Variants in PARD3 observed in about 807,000 individuals in gnomAD.
The protein encoded by PARD3 is par-3 family cell polarity regulator.
Under a neutral mutation model 155.4 loss-of-function variants are expected in PARD3, and 75 were observed. That is an observed-to-expected ratio of 0.48 (90% CI 0.40 to 0.58). The LOEUF is 0.58. PARD3 is among the 20% of genes least tolerant of loss of function. The pLI, the probability that PARD3 is intolerant of heterozygous loss-of-function variation, is 0.00. For synonymous variants in PARD3, 576 were observed against 610.5 expected, an observed-to-expected ratio of 0.94 and a Z score of 0.83; for missense variants, 1,642 against 1,721.7, an observed-to-expected ratio of 0.95 and a Z score of 0.82.
chr10:34,774,836 A>G (rs1328424820), intron 1 of PARD3, among the ~76,000 whole-genome samples: 2 of 152,246 alleles, frequency 1.3e-5, no homozygotes, highest in African/African-American at 4.8e-5. Context: ...GAAATCATCA[A>G]TGAAATCTAG....
intron 20 of PARD3, among the ~76,000 whole-genome samples, chr10:34,314,284 T>C (rs1957870343): frequency 6.6e-6 from 1 of 152,158 alleles, no homozygotes; most frequent in African/African-American, 2.4e-5. Context: ...AGGAAGGTAG[T>C]TTAAAAGAAT....
At chr10:34,373,806 A>G (rs1023482437) in intron 11 of PARD3, among the ~76,000 whole-genome samples, 1 of 151,998 alleles carries the variant, frequency 6.6e-6, no homozygotes, top group South Asian at 2.1e-4. Context: ...ACCAGGGGAT[A>G]AGATATTATG....
intron 2 of PARD3, among the ~76,000 whole-genome samples, chr10:34,548,713 T>C (rs966423886): frequency 3.3e-5 from 5 of 152,056 alleles, no homozygotes; most frequent in African/African-American, 1.2e-4. Flanking sequence ...TTTTCTCTGA[T>C]TCCAAGGAAA....
At chr10:34,392,159 T>C (rs1286249957) in intron 7 of PARD3, among the ~76,000 whole-genome samples, 1 of 151,452 alleles carries the variant, frequency 6.6e-6, no homozygotes, top group Non-Finnish European at 1.5e-5. Context: ...AGAAAGAAAG[T>C]AAAAAAAAGA....
intron 3 of PARD3, among the ~76,000 whole-genome samples, chr10:34,472,849 T>A (rs574912114): frequency 6.6e-6 from 1 of 152,358 alleles, no homozygotes; most frequent in African/African-American, 2.4e-5. Context: ...TTTGAAATTT[T>A]CCTCAGGAGA....
intron 22 of PARD3, among the ~76,000 whole-genome samples, chr10:34,189,960 T>C (rs918517848): frequency 6.6e-6 from 1 of 152,350 alleles, no homozygotes; most frequent in East Asian, 1.9e-4. Flanking sequence ...TTAAGATTTC[T>C]GTTATCTTTT....
chr10:34,720,901 A>C (rs1158153699), intron 1 of PARD3, among the ~76,000 whole-genome samples: 1 of 152,230 alleles, frequency 6.6e-6, no homozygotes, highest in Non-Finnish European at 1.5e-5. Context: ...TTATGTAGTA[A>C]GGCTAAATCT....
intron 20 of PARD3, among the ~76,000 whole-genome samples, chr10:34,296,421 A>T (rs1445699195): frequency 6.6e-6 from 1 of 151,752 alleles, no homozygotes; most frequent in African/African-American, 2.4e-5. Context: ...TGTAGAGACA[A>T]GGTCTTGCTA....
intron 3 of PARD3, among the ~76,000 whole-genome samples, chr10:34,482,215 T>C (rs775051976): frequency 3.8e-4 from 57 of 151,542 alleles, no homozygotes; most frequent in Non-Finnish European, 8.0e-4. Context: ...TTTTATGTTC[T>C]GTAGAGACAG....
intron 9 of PARD3, 139 bp downstream of exon 9, chr10:34,382,401 G>T: frequency 1.3e-6 from 1 of 786,924 alleles, no homozygotes; most frequent in Non-Finnish European, 2.0e-6. Flanking sequence ...AAATCTATCA[G>T]TTCTTTCACA....
intron 2 of PARD3, among the ~76,000 whole-genome samples, chr10:34,533,720 C>T (rs189476250): frequency 2.0e-4 from 31 of 152,026 alleles, no homozygotes; most frequent in African/African-American, 6.5e-4. Flanking sequence ...AGAGAAGAAT[C>T]GCTTGAACCT....
intron 1 of PARD3, among the ~76,000 whole-genome samples, chr10:34,698,391 C>A (rs1185137868): frequency 1.3e-5 from 2 of 152,182 alleles, no homozygotes. Flanking sequence ...CATTTTCCCC[C>A]CACTCTGTGC....
chr10:34,792,742 C>A (rs1196566132), intron 1 of PARD3, among the ~76,000 whole-genome samples: 1 of 152,212 alleles, frequency 6.6e-6, no homozygotes, highest in East Asian at 1.9e-4. Flanking sequence ...ACTCCAGGCA[C>A]TGCTCATGCC....
chr10:34,371,108 G>A (rs927873776), intron 12 of PARD3, among the ~76,000 whole-genome samples: 2 of 151,874 alleles, frequency 1.3e-5, no homozygotes, highest in Non-Finnish European at 2.9e-5. Context: ...TTTAGGTATT[G>A]TAGCTTTATA....
chr10:34,519,183 T>C (rs2133659296), intron 2 of PARD3, among the ~76,000 whole-genome samples: 1 of 152,184 alleles, frequency 6.6e-6, no homozygotes, highest in Middle Eastern at 3.4e-3. Flanking sequence ...TGAGGAAGAA[T>C]GAGAACTACA....
At chr10:34,353,266 C>T (rs530374334) in intron 14 of PARD3, among the ~76,000 whole-genome samples, 1 of 152,044 alleles carries the variant, frequency 6.6e-6, no homozygotes, top group South Asian at 2.1e-4. Flanking sequence ...GCAGTTTTGT[C>T]GAGTAGAAAA....
At chr10:34,338,781 G>A (rs1451946617) in intron 16 of PARD3, among the ~76,000 whole-genome samples, 1 of 152,182 alleles carries the variant, frequency 6.6e-6, no homozygotes, top group Non-Finnish European at 1.5e-5. Flanking sequence ...GACTTGAAAT[G>A]TTTTGAGCTC....
chr10:34,748,778 G>A (rs1564576213), intron 1 of PARD3, among the ~76,000 whole-genome samples: 6 of 152,146 alleles, frequency 3.9e-5, no homozygotes, highest in Admixed American at 2.6e-4. Context: ...CCCTGCTGCA[G>A]TGCAGGCACT....
intron 20 of PARD3, among the ~76,000 whole-genome samples, chr10:34,310,388 C>G (rs1366763498): frequency 6.6e-6 from 1 of 152,204 alleles, no homozygotes; most frequent in Non-Finnish European, 1.5e-5. Context: ...ATTTTCCACA[C>G]AGCCTGGAAT....
Sources: allele counts gnomAD v4.1 joint callset (sites outside exome capture counted in the v4.1 genomes callset), GRCh38; gene constraint gnomAD v4.1.1; transcripts MANE v1.5; gene names NCBI Gene and HGNC (gene_info 2026-07-23, HGNC 2026-07-21).